Variants in BFSP1 observed in about 807,000 individuals in gnomAD.
BFSP1 encodes the protein filensin.
A neutral mutation model predicts 43.9 loss-of-function variants in BFSP1; 38 were observed. The ratio of observed to expected loss-of-function variants is 0.87; its 90% CI spans 0.67 to 1.14. BFSP1 has a LOEUF of 1.14. Ranked by LOEUF, BFSP1 falls within the 50% of genes most tolerant of loss-of-function variation. BFSP1 has a pLI of 0.00. For missense variants in BFSP1, 850 were observed against 875.1 expected, an observed-to-expected ratio of 0.97 and a Z score of 0.36; for synonymous variants, 352 against 354.8, an observed-to-expected ratio of 0.99 and a Z score of 0.09.
At chr20:17,549,782 G>A (rs1229484582) in intron 1 of BFSP1, among the ~76,000 whole-genome samples, 1 of 152,134 alleles carries the variant, frequency 6.6e-6, no homozygotes, top group Non-Finnish European at 1.5e-5. Flanking sequence ...GTTGCAGTAA[G>A]CCAAGATCGT....
intron 2 of BFSP1, among the ~76,000 whole-genome samples, chr20:17,519,713 A>G (rs976758007): frequency 6.6e-5 from 10 of 152,224 alleles, no homozygotes; most frequent in Admixed American, 4.6e-4. Context: ...GTAAAAGGCC[A>G]GTCAATATGT....
At chr20:17,553,985 G>A (rs2034950328) in intron 1 of BFSP1, among the ~76,000 whole-genome samples, 1 of 150,122 alleles carries the variant, frequency 6.7e-6, no homozygotes, top group Non-Finnish European at 1.5e-5. Flanking sequence ...GTTGCAGATG[G>A]CATATTTTTA....
intron 1 of BFSP1, among the ~76,000 whole-genome samples, chr20:17,539,563 A>G (rs1234290030): frequency 6.6e-6 from 1 of 152,022 alleles, no homozygotes; most frequent in Non-Finnish European, 1.5e-5. Context: ...CCTGGGCAAC[A>G]TGGCAAAACC....
chr20:17,517,334 GAACT>G (rs1392550507), intron 2 of BFSP1: 3 of 1,063,564 alleles, frequency 2.8e-6, no homozygotes, highest in Admixed American at 1.7e-5. Flanking sequence ...TAAAAGACAT[GAACT>G]AACAAACAAA....
chr20:17,506,524 TC>T (rs1244846539), intron 5 of BFSP1, among the ~76,000 whole-genome samples: 2,103 of 150,580 alleles, frequency 0.014, 43 homozygotes, highest in African/African-American at 0.05. Context: ...ATAATTAGTT[TC>T]TTTTTTTTTT....
At chr20:17,531,470 C>G, upstream of BFSP1, 6 of 1,143,766 alleles carry the variant, frequency 5.2e-6, no homozygotes, top group Non-Finnish European at 6.6e-6. Context: ...CAGTTGGGCG[C>G]CACGCTGGGC....
chr20:17,525,450 C>T lies in BFSP1; in HGVS notation c.378-542G>A, dbSNP rs755306480. Among the ~76,000 whole-genome samples the T allele has an allele frequency of 1.1e-4, 17 of 152,330 alleles. No homozygotes were observed. Among genetic ancestry groups the T allele is most frequent in the East Asian group, 5.8e-4 (3 of 5,180 alleles). ...GATGAGGAAACTCAGGCAGATGCTC[C>T]GCACACTTTTCCCTCCTCCCAGCAG... On this transcript the variant is annotated intron_variant, in intron 1 of 7. Coordinates refer to ENST00000377873, the MANE Select transcript of BFSP1 (RefSeq NM_001195.5). This position sits in a 1 kb window ranked among gnomAD's most constrained non-coding sequence, Gnocchi z 4.2.
upstream of BFSP1, among the ~76,000 whole-genome samples, chr20:17,561,618 T>C (rs1480557342): frequency 6.6e-6 from 1 of 152,248 alleles, no homozygotes; most frequent in Non-Finnish European, 1.5e-5. Context: ...GCATGTATTG[T>C]TCAGACCGTT....
At chr20:17,553,886 C>CACACATATATATACATATATATATATAT (rs2034948625) in intron 1 of BFSP1, among the ~76,000 whole-genome samples, 1 of 117,364 alleles carries the variant, frequency 8.5e-6, no homozygotes, top group African/African-American at 3.6e-5. Context: ...TATATATATA[C>CACACATATATATACATATATATATATAT]ACACATATAT....
chr20:17,501,779 A>G (rs561717308), intron 5 of BFSP1, among the ~76,000 whole-genome samples: 234 of 151,884 alleles, frequency 1.5e-3, no homozygotes, highest in Middle Eastern at 6.8e-3. Flanking sequence ...AGATGACCCC[A>G]CTCTCCTGTG....
chr20:17,528,575 C>T (rs900927584), intron 1 of BFSP1, among the ~76,000 whole-genome samples: 10 of 152,154 alleles, frequency 6.6e-5, no homozygotes, highest in South Asian at 2.1e-4. Context: ...AGTCCAAGAA[C>T]GGATTATCTC....
Position 17,494,344 on chromosome 20 carries a change from G to A in BFSP1, c.1728C>T (p.Val576=), listed in dbSNP as rs2033571693. 1.9e-6 allele frequency: 3 copies of A among 1,614,042 alleles called. No individual in the cohort carries two copies. Among genetic ancestry groups the A allele is most frequent in the East Asian group, 2.2e-5 (1 of 44,888 alleles). Residue 576 remains valine, a synonymous_variant, in exon 8 of 8, where the codon GTC becomes GTT. Transcript: ENST00000377873. The stretch of plus-strand genomic sequence containing the variant: ...TAGATGGTTCCTCTGCACCGGGTGT[G>A]ACCATGGCACAGGGTCTCCTGGACT... ...DEESRRPCAM[V]TPGAEEPSIP...
intron 1 of BFSP1, among the ~76,000 whole-genome samples, chr20:17,543,787 A>G (rs1458703625): frequency 6.6e-6 from 1 of 152,202 alleles, no homozygotes; most frequent in Non-Finnish European, 1.5e-5. Context: ...CATGAAAACT[A>G]TGTCCGCTTA....
chr20:17,512,111 G>A (rs1480448707), intron 3 of BFSP1, 43 bp from the exon 4 acceptor site: 1 of 1,510,820 alleles, frequency 6.6e-7, no homozygotes, highest in Middle Eastern at 1.7e-4. Flanking sequence ...GTTGAGCTGC[G>A]CTGGTTTTTC....
At chr20:17,517,259 T>C in intron 2 of BFSP1, 1 of 1,229,410 alleles carries the variant, frequency 8.1e-7, no homozygotes, top group Non-Finnish European at 1.2e-6. Flanking sequence ...ACAGACATTA[T>C]TGTGGCAAAT....
chr20:17,562,255 C>T (rs1447915078), upstream of BFSP1, among the ~76,000 whole-genome samples: 3 of 138,224 alleles, frequency 2.2e-5, no homozygotes, highest in Non-Finnish European at 4.7e-5. Flanking sequence ...AGGCCGGGAG[C>T]GATGGCTCAC....
chr20:17,548,430 A>G (rs1012510317), intron 1 of BFSP1, among the ~76,000 whole-genome samples: 1 of 152,222 alleles, frequency 6.6e-6, no homozygotes, highest in African/African-American at 2.4e-5. Context: ...AACTTTTTAC[A>G]TAAGAAATCT....
At chr20:17,518,467 C>A (rs1009738501) in intron 2 of BFSP1, among the ~76,000 whole-genome samples, 2 of 152,180 alleles carry the variant, frequency 1.3e-5, no homozygotes, top group Admixed American at 1.3e-4. Flanking sequence ...TTCCAGAAGG[C>A]GTGCGCTACC....
intron 1 of BFSP1, among the ~76,000 whole-genome samples, chr20:17,568,167 T>C (rs886543875): frequency 2.0e-5 from 3 of 151,944 alleles, no homozygotes; most frequent in Non-Finnish European, 4.4e-5. Flanking sequence ...GCAGAAAAAG[T>C]AGGCTGAGGC....
Sources: gnomAD v4.1 joint callset for allele counts (sites outside exome capture counted in the v4.1 genomes callset) on GRCh38, gnomAD v4.1.1 for gene constraint, Gnocchi (gnomAD v3.1) non-coding constraint, MANE v1.5 for transcripts, NCBI Gene and HGNC (gene_info 2026-07-23, HGNC 2026-07-21) for gene names.